Variants in FOXO1 observed in about 807,000 individuals in gnomAD.
The protein encoded by FOXO1 is forkhead box O1.
Under a neutral mutation model 44.1 loss-of-function variants are expected in FOXO1, and 6 were observed. The observed-to-expected ratio is 0.14, with a 90% CI of 0.07 to 0.27. The LOEUF (loss-of-function observed/expected upper bound fraction) is 0.27. Ranked by LOEUF, FOXO1 falls within the 10% of genes least tolerant of loss-of-function variation. The probability of loss-of-function intolerance (pLI) is 1.00; values close to 1 mark genes in which losing one functional copy is unlikely to be tolerated. For synonymous variants in FOXO1, 380 were observed against 362.7 expected (o/e 1.05, Z -0.54); for missense variants, 737 against 888.8 (o/e 0.83, Z 2.17).
intron 1 of FOXO1, among the ~76,000 whole-genome samples, chr13:40,664,380 C>T (rs1185020951): frequency 6.6e-6 from 1 of 152,176 alleles, no homozygotes; most frequent in African/African-American, 2.4e-5. Flanking sequence ...ACGACTGGAC[C>T]CCGCCCCCGG....
chr13:40,633,744 G>A (rs895619309), intron 1 of FOXO1, among the ~76,000 whole-genome samples: 2 of 152,198 alleles, frequency 1.3e-5, no homozygotes, highest in African/African-American at 4.8e-5. Context: ...TGGGTAAACT[G>A]TTATGTGAAT....
intron 1 of FOXO1, among the ~76,000 whole-genome samples, chr13:40,584,501 A>AAAAAAAAAAGC (rs1555248680): frequency 2.6e-5 from 3 of 117,194 alleles, no homozygotes; most frequent in Admixed American, 8.6e-5. Context: ...AAAAAAAAAA[A>AAAAAAAAAAGC]GCCAGATGCA....
In FOXO1 at chr13:40,625,673, A is replaced by G. The variant is rs894824710; in HGVS notation, c.630+39910T>C. 6.8e-5 allele frequency among the ~76,000 whole-genome samples: 10 copies of G among 146,286 alleles called. No homozygotes were observed. In the East Asian group the frequency reaches 1.4e-3, roughly 21 times the overall value. On this transcript the variant is annotated intron_variant, in intron 1 of 2. Transcript: ENST00000379561. ...GCTTTCACTTTAAAAAAAAAAAAAA[A>G]GTTTAATTTTCCACAGGGTGGGAAT...
Position 40,559,755 on chromosome 13 carries a change from G to A in FOXO1, c.1736C>T (p.Ser579Phe), listed in dbSNP as rs150896957. Residue 579 changes from serine (S) to phenylalanine (F), a missense_variant, in exon 2 of 3, where the codon TCC becomes TTC. Physicochemically the swap from Ser to Phe is radical, Grantham distance 155. Around this residue, in one of 7 missense-constraint regions of FOXO1, gnomAD observed 283 missense variants for 278.1 expected, o/e 1.02. Transcript: ENST00000379561. ...ATAGCCATTGCAGCTGCTCACGGAG[G>A]AGTAGCCCCCCAGGGCACTCATCTG... ...PMQMSALGGY[S>F]SVSSCNGYGR... The A allele has an allele frequency of 1.7e-5, 28 of 1,613,338 alleles. No homozygotes were observed. The highest frequency in any genetic ancestry group is 2.2e-5 in the Non-Finnish European group (26 of 1,179,590).
chr13:40,588,750 T>C (rs1450420850), intron 1 of FOXO1, among the ~76,000 whole-genome samples: 1 of 152,074 alleles, frequency 6.6e-6, no homozygotes, highest in African/African-American at 2.4e-5. Flanking sequence ...CTTGGTAGAA[T>C]AAAGGGCCTG....
chr13:40,578,125 C>T (rs1874829903), intron 1 of FOXO1, among the ~76,000 whole-genome samples: 1 of 152,084 alleles, frequency 6.6e-6, no homozygotes, highest in Non-Finnish European at 1.5e-5. Context: ...ACATTAAGTA[C>T]TAAAGAAAGG....
intron 1 of FOXO1, among the ~76,000 whole-genome samples, chr13:40,568,650 T>G (rs1874362097): frequency 6.6e-6 from 1 of 152,214 alleles, no homozygotes; most frequent in Admixed American, 6.5e-5. Context: ...TGAGAATAGC[T>G]AATCTACATG....
intron 1 of FOXO1, among the ~76,000 whole-genome samples, chr13:40,580,598 T>G (rs1874918288): frequency 6.6e-6 from 1 of 152,136 alleles, no homozygotes. Flanking sequence ...CTTATAAATA[T>G]TAGATATTAT....
chr13:40,610,547 A>C (rs1876192246), intron 1 of FOXO1, among the ~76,000 whole-genome samples: 1 of 152,202 alleles, frequency 6.6e-6, no homozygotes, highest in South Asian at 2.1e-4. Flanking sequence ...TGAAATAATA[A>C]ATGGCTTATT....
At chr13:40,645,842 G>A (rs1471303147) in intron 1 of FOXO1, among the ~76,000 whole-genome samples, 1 of 152,050 alleles carries the variant, frequency 6.6e-6, no homozygotes, top group Non-Finnish European at 1.5e-5. Flanking sequence ...CAGCACTTTG[G>A]GAGGCCAAGG....
intron 1 of FOXO1, among the ~76,000 whole-genome samples, chr13:40,602,617 C>T (rs1273799441): frequency 3.9e-5 from 6 of 152,130 alleles, no homozygotes; most frequent in African/African-American, 7.2e-5. Flanking sequence ...GCTTAATGCT[C>T]GTGTTTTTCT....
chr13:40,627,693 C>T lies in FOXO1; in HGVS notation c.630+37890G>A, dbSNP rs368576471. 3.0e-4 allele frequency among the ~76,000 whole-genome samples: 45 copies of T among 152,118 alleles called. No individual in the cohort carries two copies. The South Asian group carries it at 8.9e-3, about 30-fold the overall frequency. Reference sequence around the variant, plus strand: ...ACTAAAAACACCAAAATTAGCCAGGCATGGTGGCAGGCGTCTGTAATCCCA... The same window carrying T: ...ACTAAAAACACCAAAATTAGCCAGGTATGGTGGCAGGCGTCTGTAATCCCA... On this transcript the variant is annotated intron_variant, in intron 1 of 2. Transcript: ENST00000379561.
chr13:40,622,956 A>G lies in FOXO1; in HGVS notation c.630+42627T>C, dbSNP rs1241719070. On this transcript the variant is annotated intron_variant, in intron 1 of 2. Coordinates refer to ENST00000379561, the MANE Select transcript of FOXO1 (RefSeq NM_002015.4). ...CTTCCAGGGTGTGATTCAAAGGTTT[A>G]AGCCCATGCCAATCATTTCATGACT... 2.6e-5 allele frequency among the ~76,000 whole-genome samples: 4 copies of G among 152,220 alleles called. No individual in the cohort carries two copies. In the South Asian group the frequency reaches 8.3e-4, roughly 32 times the overall value.
chr13:40,645,317 G>A (rs1229677216), intron 1 of FOXO1, among the ~76,000 whole-genome samples: 2 of 152,096 alleles, frequency 1.3e-5, no homozygotes, highest in East Asian at 1.9e-4. Flanking sequence ...GTAAAACTAT[G>A]GTAAGACAAA....
intron 1 of FOXO1, among the ~76,000 whole-genome samples, chr13:40,657,357 C>T (rs1323899914): frequency 1.5e-5 from 2 of 129,828 alleles, no homozygotes; most frequent in East Asian, 2.3e-4. Flanking sequence ...CTTGCTGTGT[C>T]GCCCAGGCTG....
chr13:40,608,272 A>G (rs1876095804), intron 1 of FOXO1, among the ~76,000 whole-genome samples: 1 of 152,152 alleles, frequency 6.6e-6, no homozygotes, highest in Non-Finnish European at 1.5e-5. Context: ...AAGAGATGCT[A>G]TGGCTAATGG....
chr13:40,562,115 A>G (rs534662012), intron 1 of FOXO1, among the ~76,000 whole-genome samples: 38 of 152,246 alleles, frequency 2.5e-4, no homozygotes, highest in African/African-American at 8.7e-4. Context: ...TGACCTGCCA[A>G]AAGAAATTTT....
intron 1 of FOXO1, among the ~76,000 whole-genome samples, chr13:40,646,425 C>T (rs1274785491): frequency 2.0e-5 from 3 of 151,798 alleles, no homozygotes. Context: ...TTGTGATCTG[C>T]CCACCTCAGC....
Position 40,558,362 on chromosome 13 carries a change from TAAAC to T in FOXO1, c.*683_*686del, listed in dbSNP as rs1224953702. On this transcript the variant is annotated 3_prime_UTR_variant, in exon 3 of 3. Transcript: ENST00000379561. Reference sequence around the variant, plus strand: ...TTGTACAAATTTGCAAATAACAAAATAAACAAAAAAAAATAGAAAAGACCTGTAC... The same window carrying T: ...TTGTACAAATTTGCAAATAACAAAATAAAAAAAAATAGAAAAGACCTGTAC... 2.6e-5 allele frequency: 4 copies of T among 152,202 alleles called. No individual in the cohort carries two copies. Among genetic ancestry groups the T allele is most frequent in the South Asian group, 4.1e-4 (2 of 4,824 alleles). 9.4% of individuals were successfully genotyped at this position (152,202 alleles called of 1,614,324 possible).
Sources: gnomAD v4.1 joint callset for allele counts (sites outside exome capture counted in the v4.1 genomes callset) on GRCh38, gnomAD v4.1.1 for gene constraint, gnomAD v4.1.1 regional missense constraint, MANE v1.5 for transcripts, NCBI Gene and HGNC (gene_info 2026-07-23, HGNC 2026-07-21) for gene names.